Variants in TNFSF11 observed in about 807,000 individuals in gnomAD.
TNFSF11 encodes tumor necrosis factor ligand superfamily member 11.
Under a neutral mutation model 32.2 loss-of-function variants are expected in TNFSF11, and 12 were observed. That is an observed-to-expected ratio of 0.37 (90% CI 0.24 to 0.60). The LOEUF (loss-of-function observed/expected upper bound fraction) is 0.60, where lower values mean the gene tolerates loss of function less well. Among genes scored for constraint, TNFSF11 ranks in the 20% least tolerant of loss-of-function variants. TNFSF11 has a pLI of 0.66. For missense variants in TNFSF11, 345 were observed against 398.0 expected, an observed-to-expected ratio of 0.87 and a Z score of 1.13; for synonymous variants, 172 against 152.1, an observed-to-expected ratio of 1.13 and a Z score of -0.96.
intron 4 of TNFSF11, among the ~76,000 whole-genome samples, chr13:42,606,233 A>G (rs1869442997): frequency 6.6e-6 from 1 of 152,174 alleles, no homozygotes; most frequent in Admixed American, 6.5e-5. Flanking sequence ...CTGAACACAT[A>G]TCGTACTTAC....
upstream of TNFSF11, chr13:42,571,840 A>G (rs1873079823): frequency 1.3e-5 from 2 of 152,238 alleles, no homozygotes; most frequent in Admixed American, 1.3e-4. Context: ...AAGATATAGC[A>G]TGGCTTAGAC....
At chr13:42,588,848 G>A (rs1489788906) in intron 2 of TNFSF11, among the ~76,000 whole-genome samples, 1 of 152,176 alleles carries the variant, frequency 6.6e-6, no homozygotes, top group Non-Finnish European at 1.5e-5. Context: ...TGTGAAGCCT[G>A]TGTGGTATGA....
intron 4 of TNFSF11, among the ~76,000 whole-genome samples, chr13:42,601,312 C>A (rs1869160853): frequency 6.6e-6 from 1 of 152,204 alleles, no homozygotes; most frequent in African/African-American, 2.4e-5. Flanking sequence ...TGACACAGCC[C>A]TGCTGCTGAC....
chr13:42,581,317 A>G (rs1278548577), intron 2 of TNFSF11, 24 bp downstream of exon 2: 3 of 1,613,544 alleles, frequency 1.9e-6, no homozygotes, highest in Non-Finnish European at 2.5e-6. Flanking sequence ...GAGGCTGATA[A>G]GTCAAGGGCC....
intron 2 of TNFSF11, among the ~76,000 whole-genome samples, chr13:42,593,037 A>G (rs1868591502): frequency 6.6e-6 from 1 of 152,168 alleles, no homozygotes; most frequent in African/African-American, 2.4e-5. Flanking sequence ...AAAACAGACT[A>G]ATACAGGCTG....
intron 4 of TNFSF11, among the ~76,000 whole-genome samples, chr13:42,604,370 C>T (rs190377417): frequency 6.6e-6 from 1 of 152,118 alleles, no homozygotes; most frequent in East Asian, 1.9e-4. Flanking sequence ...CTGGGATGAC[C>T]TGAAATAAGA....
rs1869507012 is a variant in TNFSF11 at position 42,607,113 on chromosome 13, G to A, written c.*195G>A. On this transcript the variant is annotated 3_prime_UTR_variant, in exon 5 of 5. Transcript: ENST00000398795. The stretch of plus-strand genomic sequence containing the variant: ...CAGTGGGAGATGTTAGACTCATGGT[G>A]TGTTACACAATGGTTTTTAAATTTT... 2 of 649,742 alleles carry A rather than the reference G, an allele frequency of 3.1e-6. No homozygotes were observed. Among genetic ancestry groups the A allele is most frequent in the East Asian group, 2.9e-5 (1 of 35,072 alleles). 40.2% of individuals were successfully genotyped at this position (649,742 alleles called of 1,614,324 possible).
At chr13:42,592,411 T>C (rs1868538639) in intron 2 of TNFSF11, among the ~76,000 whole-genome samples, 1 of 152,168 alleles carries the variant, frequency 6.6e-6, no homozygotes, top group South Asian at 2.1e-4. Context: ...TTATAAAGGA[T>C]ACAATCAGGA....
chr13:42,592,393 C>T (rs190194612), intron 2 of TNFSF11, among the ~76,000 whole-genome samples: 1 of 152,274 alleles, frequency 6.6e-6, no homozygotes, highest in East Asian at 1.9e-4. Flanking sequence ...CTTACTATGA[C>T]CAGCTTATTA....
intron 4 of TNFSF11, among the ~76,000 whole-genome samples, chr13:42,603,269 G>A (rs775358611): frequency 6.6e-6 from 1 of 152,126 alleles, no homozygotes; most frequent in Non-Finnish European, 1.5e-5. Context: ...AGAATACATG[G>A]CTTTCTTTAG....
intron 2 of TNFSF11, among the ~76,000 whole-genome samples, chr13:42,589,130 ACTCTT>A (rs1347153398): frequency 3.3e-5 from 5 of 151,744 alleles, no homozygotes; most frequent in African/African-American, 1.2e-4. Flanking sequence ...AGCACTCAGA[ACTCTT>A]CTCTTCAGTG....
At chr13:42,599,722 A>G (rs1228454709) in intron 2 of TNFSF11, among the ~76,000 whole-genome samples, 1 of 151,990 alleles carries the variant, frequency 6.6e-6, no homozygotes, top group African/African-American at 2.4e-5. Flanking sequence ...GGTACCCACA[A>G]CCACACCTGG....
intron 4 of TNFSF11, among the ~76,000 whole-genome samples, chr13:42,603,944 TAG>T (rs1229186844): frequency 6.6e-6 from 1 of 152,086 alleles, no homozygotes; most frequent in African/African-American, 2.4e-5. Context: ...TGCACAAAAA[TAG>T]AGAGATGTTT....
intron 2 of TNFSF11, among the ~76,000 whole-genome samples, chr13:42,583,436 AAAG>A (rs1159596135): frequency 8.9e-6 from 1 of 112,178 alleles, no homozygotes; most frequent in Non-Finnish European, 1.9e-5. Flanking sequence ...AAAAAAAAAA[AAAG>A]AAAGGAAGAA....
At chr13:42,592,181 TACTA>T (rs1868519560) in intron 2 of TNFSF11, among the ~76,000 whole-genome samples, 1 of 152,210 alleles carries the variant, frequency 6.6e-6, no homozygotes, top group Non-Finnish European at 1.5e-5. Context: ...TCAATTATGA[TACTA>T]ACTATTGGGA....
chr13:42,580,315 A>G (rs942149744), intron 1 of TNFSF11, among the ~76,000 whole-genome samples: 1 of 152,214 alleles, frequency 6.6e-6, no homozygotes, highest in Non-Finnish European at 1.5e-5. Flanking sequence ...CTGGACACCT[A>G]TTCTTAACAG....
At position 42,581,164 on chromosome 13, in the gene TNFSF11, C is replaced by T. The variant is rs1489173575; in HGVS notation, c.258C>T (p.Cys86=). 1 of 1,614,078 alleles carries T rather than the reference C, an allele frequency of 6.2e-7. No individual in the cohort carries two copies. The highest frequency in any genetic ancestry group is 1.1e-5 in the South Asian group (1 of 91,074). ...PNRISEDGTH[C]IYRILRLHEN... ...GAATATCAGAAGATGGCACTCACTG[C>T]ATTTATAGAATTTTGAGACTCCATG... The change falls in exon 2 of 5, where the codon TGC becomes TGT. Residue 86 remains cysteine, a synonymous_variant. Coordinates refer to ENST00000398795, the MANE Select transcript of TNFSF11 (RefSeq NM_003701.4).
Position 42,606,759 on chromosome 13 carries a change from A to G in TNFSF11, c.795A>G (p.Ser265=), listed in dbSNP as rs554330389. ...LMKGGSTKYW[S]GNSEFHFYSI... ...AAGGAGGAAGCACCAAGTATTGGTCAGGGAATTCTGAATTCCATTTTTATT... is the reference window on the plus strand; with the variant it reads ...AAGGAGGAAGCACCAAGTATTGGTCGGGGAATTCTGAATTCCATTTTTATT... The change falls in exon 5 of 5, where the codon TCA becomes TCG. Residue 265 remains serine, a synonymous_variant. Coordinates refer to ENST00000398795, the MANE Select transcript of TNFSF11 (RefSeq NM_003701.4). The G allele has an allele frequency of 6.8e-6, 11 of 1,614,138 alleles. No homozygotes were observed. In the Middle Eastern group the frequency reaches 6.6e-4, roughly 97 times the overall value.
At chr13:42,606,444 G>T (rs550493548) in intron 4 of TNFSF11, 53 bp from the exon 5 acceptor site, 1 of 1,606,894 alleles carries the variant, frequency 6.2e-7, no homozygotes, top group East Asian at 2.2e-5. Context: ...TTGTGAAGAC[G>T]TCCTTCTCAT....
Sources: gnomAD v4.1 joint callset for allele counts (sites outside exome capture counted in the v4.1 genomes callset) on GRCh38, gnomAD v4.1.1 for gene constraint, MANE v1.5 for transcripts, NCBI Gene and HGNC (gene_info 2026-07-23, HGNC 2026-07-21) for gene names.